Variants in PITPNM2 observed in about 807,000 individuals in gnomAD.
PITPNM2 encodes phosphatidylinositol transfer protein membrane associated 2, also known as membrane-associated phosphatidylinositol transfer protein 2.
A neutral mutation model predicts 132.2 loss-of-function variants in PITPNM2; 35 were observed. The observed-to-expected ratio is 0.26, with a 90% CI of 0.20 to 0.35. The LOEUF is 0.35. PITPNM2 is among the 10% of genes least tolerant of loss of function. PITPNM2 has a pLI of 1.00. For missense variants in PITPNM2, 1,332 were observed against 1,912.0 expected (o/e 0.70, Z 5.66); for synonymous variants, 738 against 799.2 (o/e 0.92, Z 1.29).
chr12:123,050,115 A>G lies in PITPNM2; in HGVS notation c.-95-15430T>C, dbSNP rs114003849. ...CCTCAAGAGCATGTGCAGGGCATAA[A>G]CGTCAAACAGGACAACTGGATGTTG... On this transcript the variant is annotated intron_variant, in intron 2 of 25. Transcript: ENST00000320201. 7.1e-3 allele frequency among the ~76,000 whole-genome samples: 1,085 copies of G among 152,250 alleles called. 13 individuals carry two copies. Among genetic ancestry groups the G allele is most frequent in the African/African-American group, 0.024 (999 of 41,526 alleles).
chr12:123,046,737 T>C (rs1174611572), intron 2 of PITPNM2, among the ~76,000 whole-genome samples: 1 of 152,228 alleles, frequency 6.6e-6, no homozygotes, highest in Non-Finnish European at 1.5e-5. Flanking sequence ...ATCATGTTTT[T>C]GAGGTTCATG....
chr12:123,114,716 T>C (rs997753799), intron 1 of PITPNM2, among the ~76,000 whole-genome samples: 2 of 152,048 alleles, frequency 1.3e-5, no homozygotes, highest in Admixed American at 6.6e-5. Context: ...GGTTTCCCTA[T>C]CTAAAAAAGA....
intron 1 of PITPNM2, among the ~76,000 whole-genome samples, chr12:123,142,469 T>C (rs1106241): frequency 0.67 from 101,403 of 152,144 alleles, 36,814 homozygotes; most frequent in East Asian, 0.97. Flanking sequence ...CTTTCAGAAT[T>C]CTTGAGGATT....
At chr12:123,007,053 C>A (rs1164043790) in intron 6 of PITPNM2, among the ~76,000 whole-genome samples, 1 of 152,202 alleles carries the variant, frequency 6.6e-6, no homozygotes, top group Admixed American at 6.5e-5. Flanking sequence ...ACTCGCCTGG[C>A]CCCTGACAGT....
chr12:122,984,603 G>A lies in PITPNM2; in HGVS notation c.*1424C>T, dbSNP rs2037858926. 6.6e-6 allele frequency: 1 copy of A among 152,148 alleles called. No homozygotes were observed. The highest frequency in any genetic ancestry group is 1.9e-4 in the East Asian group (1 of 5,194). The allele number at this position is 152,148 out of a possible 1,614,324, so 9.4% of individuals were successfully genotyped here. On this transcript the variant is annotated 3_prime_UTR_variant, in exon 26 of 26. Coordinates refer to ENST00000320201, the MANE Select transcript of PITPNM2 (RefSeq NM_020845.3). ...TTGCAGAACATTTACACGACCCTTT[G>A]GCTGTACATATCTACACACGGGAAA...
chr12:123,088,310 T>C (rs1036964713), intron 2 of PITPNM2: 2 of 152,080 alleles, frequency 1.3e-5, no homozygotes, highest in Admixed American at 1.3e-4. Context: ...CTATCCAAGC[T>C]CCCGCCCCCC....
intron 3 of PITPNM2, among the ~76,000 whole-genome samples, chr12:123,018,304 T>G (rs2039527248): frequency 6.8e-6 from 1 of 147,162 alleles, no homozygotes; most frequent in Admixed American, 6.7e-5. Flanking sequence ...TTTTTTTTTT[T>G]TTTTTTTTGA....
In PITPNM2 at chr12:123,095,781, C is replaced by T. The variant is rs942286318; in HGVS notation, c.-96+14604G>A. 1.4e-4 allele frequency among the ~76,000 whole-genome samples: 21 copies of T among 152,222 alleles called. No individual in the cohort carries two copies. Among genetic ancestry groups the T allele is most frequent in the African/African-American group, 3.6e-4 (15 of 41,448 alleles). Reference sequence around the variant, plus strand: ...GGTTCCCTCTACCAGGAAGACTCTCCCTTGTTTACACGCAACCCTGCCTCC... The same window carrying T: ...GGTTCCCTCTACCAGGAAGACTCTCTCTTGTTTACACGCAACCCTGCCTCC... On this transcript the variant is annotated intron_variant, in intron 2 of 25. Transcript: ENST00000320201. The surrounding 1 kb of genome is among the most constrained non-coding windows in gnomAD (Gnocchi z 5.0).
chr12:123,020,374 G>A lies in PITPNM2; in HGVS notation c.79-6332C>T, dbSNP rs185136981. Among the ~76,000 whole-genome samples, 15 of 152,226 alleles carry A rather than the reference G, an allele frequency of 9.9e-5. No individual in the cohort carries two copies. In the Middle Eastern group the frequency reaches 0.01, roughly 104 times the overall value. On this transcript the variant is annotated intron_variant, in intron 3 of 25. Transcript: ENST00000320201. ...GACCTCAAGTGATCTGCCCGCCTCC[G>A]CCTCCCAAAGTGCTGGGATTACAGG... is the stretch of plus-strand genomic sequence containing the variant.
intron 5 of PITPNM2, among the ~76,000 whole-genome samples, chr12:123,011,740 G>A (rs903972040): frequency 1.3e-5 from 2 of 152,154 alleles, no homozygotes; most frequent in African/African-American, 4.8e-5. Flanking sequence ...AAGTCAAGGA[G>A]CACCAAGGAC....
intron 18 of PITPNM2, among the ~76,000 whole-genome samples, 157 bp from the exon 19 acceptor site, chr12:122,989,029 C>A (rs1223745291): frequency 6.6e-6 from 1 of 152,158 alleles, no homozygotes; most frequent in African/African-American, 2.4e-5. Flanking sequence ...GTGAGGCAAG[C>A]GGGAGGGAGC....
chr12:122,986,490 G>A lies in PITPNM2; in HGVS notation c.3672C>T (p.Pro1224=). ...GCCGGCCCACGATGTAGATCTGCAT[G>A]GGGGACAGGCTAATGGCGCTGTACA... is the stretch of plus-strand genomic sequence containing the variant. The part of the protein sequence containing the change: ...VAVYSAISLS[P]MQIYIVGRPT... The change falls in exon 25 of 26, where the codon CCC becomes CCT. Residue 1224 remains proline (P), a synonymous_variant. Coordinates refer to ENST00000320201, the MANE Select transcript of PITPNM2 (RefSeq NM_020845.3). 2 of 1,590,214 alleles carry A rather than the reference G, an allele frequency of 1.3e-6. No individual in the cohort carries two copies. The highest frequency in any genetic ancestry group is 1.3e-5 in the African/African-American group (1 of 74,770).
At chr12:123,074,830 G>A (rs189566633) in intron 2 of PITPNM2, among the ~76,000 whole-genome samples, 7 of 152,308 alleles carry the variant, frequency 4.6e-5, no homozygotes, top group Admixed American at 2.0e-4. Context: ...GCACCAGGGA[G>A]GAAAAGAGGG....
At position 122,995,442 on chromosome 12, in the gene PITPNM2, G is replaced by A. The variant is rs760743945; in HGVS notation, c.2001C>T (p.Asp667=). Residue 667 remains aspartate (D), a synonymous_variant, in exon 14 of 26, where the codon GAC becomes GAT. Transcript: ENST00000320201. ...PKRQLPRKRS[D]SSTYELDTIQ... ...TGGTATCCAGCTCGTAGGTGGATGA[G>A]TCGCTCCTCTTGCGGGGCAGTTGCC... 2 of 1,613,626 alleles carry A rather than the reference G, an allele frequency of 1.2e-6. No homozygotes were observed. The highest frequency in any genetic ancestry group is 1.7e-6 in the Non-Finnish European group (2 of 1,179,848).
intron 1 of PITPNM2, among the ~76,000 whole-genome samples, chr12:123,125,324 T>C (rs890606309): frequency 6.6e-6 from 1 of 152,064 alleles, no homozygotes; most frequent in Non-Finnish European, 1.5e-5. Context: ...GAGTCTTGAA[T>C]TGTTAGAGAA....
intron 1 of PITPNM2, among the ~76,000 whole-genome samples, chr12:123,130,927 G>A (rs1206678798): frequency 1.3e-5 from 2 of 152,164 alleles, no homozygotes; most frequent in Non-Finnish European, 2.9e-5. Flanking sequence ...AGAAATAGGA[G>A]AGGCTTGGAC....
At chr12:123,037,325 C>T (rs929499897) in intron 2 of PITPNM2, among the ~76,000 whole-genome samples, 6 of 152,116 alleles carry the variant, frequency 3.9e-5, no homozygotes, top group Non-Finnish European at 7.4e-5. Context: ...GGGTTGGAGA[C>T]GGGAAGGGAA....
chr12:122,997,712 G>T, intron 10 of PITPNM2, 140 bp from the exon 11 acceptor site: 1 of 1,188,478 alleles, frequency 8.4e-7, no homozygotes, highest in Non-Finnish European at 1.2e-6. Flanking sequence ...GGTTACTCAT[G>T]CCTGGAGCCT....
At position 122,986,020 on chromosome 12, in the gene PITPNM2, C is replaced by T. The variant is rs1420826847; in HGVS notation, c.*7G>A. Reference sequence around the variant, plus strand: ...CCATGGAGACCCCGCGCTGCACTCACGGTGCCCTACTTGGGGCCCGCGGCT... The same window carrying T: ...CCATGGAGACCCCGCGCTGCACTCATGGTGCCCTACTTGGGGCCCGCGGCT... On this transcript the variant is annotated 3_prime_UTR_variant, in exon 26 of 26. Transcript: ENST00000320201. 49 of 1,396,346 alleles carry T rather than the reference C, an allele frequency of 3.5e-5. No individual in the cohort carries two copies. The highest frequency in any genetic ancestry group is 4.8e-5 in the South Asian group (3 of 62,630). 86.5% of individuals were successfully genotyped at this position (1,396,346 alleles called of 1,614,324 possible).
Sources: gnomAD v4.1 joint callset for allele counts (sites outside exome capture counted in the v4.1 genomes callset) on GRCh38, gnomAD v4.1.1 for gene constraint, Gnocchi (gnomAD v3.1) non-coding constraint, MANE v1.5 for transcripts, NCBI Gene and HGNC (gene_info 2026-07-23, HGNC 2026-07-21) for gene names.